The following AQP9 variants were observed in gnomAD, a reference collection of about 807,000 sequenced individuals.
The protein encoded by AQP9 is aquaporin 9, also known as aquaporin-9.
AQP9 carries 19 observed loss-of-function variants against 23.8 expected under a neutral mutation model. The observed-to-expected ratio is 0.80, with a 90% CI of 0.56 to 1.17. AQP9 has a LOEUF of 1.17. Ranked by LOEUF, AQP9 falls within the 50% of genes most tolerant of loss-of-function variation. AQP9 has a pLI of 0.00. For missense variants in AQP9, 413 were observed against 362.0 expected (o/e 1.14, Z -1.14); for synonymous variants, 153 against 131.5 (o/e 1.16, Z -1.12).
At chr15:58,140,583 C>T (rs1378352979) in intron 1 of AQP9, among the ~76,000 whole-genome samples, 1 of 152,092 alleles carries the variant, frequency 6.6e-6, no homozygotes, top group African/African-American at 2.4e-5. Flanking sequence ...TTTTTTTAAA[C>T]CAAGAAATCT....
rs1490773227 is a variant in AQP9, at chr15:58,150,084, G to C, written c.111+11408G>C. Among the ~76,000 whole-genome samples, 5 of 152,188 alleles carry C rather than the reference G, an allele frequency of 3.3e-5. No homozygotes were observed. The South Asian group carries it at 8.3e-4, about 25-fold the overall frequency. ...AAGACAGGAGTCAACAGCTCCAAAG[G>C]TAAGTGAGACCGAACAGGCAACACA... On this transcript the variant is annotated intron_variant, in intron 1 of 5. Transcript: ENST00000219919.
intron 1 of AQP9, among the ~76,000 whole-genome samples, chr15:58,158,198 C>T (rs1898303252): frequency 6.6e-6 from 1 of 152,110 alleles, no homozygotes; most frequent in Non-Finnish European, 1.5e-5. Context: ...AAAACCGATG[C>T]CCCTATTCCA....
Position 58,165,959 on chromosome 15 carries a change from G to C in AQP9, c.112-714G>C, listed in dbSNP as rs181692942. On this transcript the variant is annotated intron_variant, in intron 1 of 5. Coordinates refer to ENST00000219919, the MANE Select transcript of AQP9 (RefSeq NM_020980.5). Reference sequence around the variant, plus strand: ...GGAGAAAATACATGAGAATAAGGGGGTCCTGATTGCCAAATCTATCCCCCT... The same window carrying C: ...GGAGAAAATACATGAGAATAAGGGGCTCCTGATTGCCAAATCTATCCCCCT... Among the ~76,000 whole-genome samples, 384 of 152,288 alleles carry C rather than the reference G, an allele frequency of 2.5e-3. 1 individual carries two copies. The highest frequency in any genetic ancestry group is 4.3e-3 in the Non-Finnish European group (294 of 68,014).
intron 1 of AQP9, among the ~76,000 whole-genome samples, chr15:58,144,463 C>A (rs1170838408): frequency 6.6e-6 from 1 of 152,142 alleles, no homozygotes; most frequent in Admixed American, 6.5e-5. Flanking sequence ...CTATTCAGTG[C>A]CATTGATCTG....
intron 1 of AQP9, chr15:58,151,086 A>T (rs2140594044): frequency 6.6e-6 from 1 of 152,242 alleles, no homozygotes; most frequent in Middle Eastern, 3.4e-3. Context: ...CATTGCTGGG[A>T]ATATTAGTCT....
intron 1 of AQP9, among the ~76,000 whole-genome samples, chr15:58,141,125 A>G (rs1897943916): frequency 6.6e-6 from 1 of 152,196 alleles, no homozygotes; most frequent in South Asian, 2.1e-4. Context: ...GTGGGGGGAA[A>G]GTTTGCAATG....
rs1259350782 is a variant in AQP9 at position 58,174,789 on chromosome 15, G to C, written c.377-129G>C. 26 of 746,528 alleles carry C rather than the reference G, an allele frequency of 3.5e-5. No homozygotes were observed. In the African/African-American group the frequency reaches 4.5e-4, roughly 13 times the overall value. 46.2% of individuals were successfully genotyped at this position (746,528 alleles called of 1,614,324 possible). On this transcript the variant is annotated intron_variant, in intron 3 of 5. Coordinates refer to ENST00000219919, the MANE Select transcript of AQP9 (RefSeq NM_020980.5). ...CTAAAACTATCATTCCTCGGAAGTA[G>C]AGAGAGACAAATGACATGGCTATGC...
At chr15:58,142,814 T>A (rs1337749211) in intron 1 of AQP9, among the ~76,000 whole-genome samples, 1 of 152,084 alleles carries the variant, frequency 6.6e-6, no homozygotes, top group Non-Finnish European at 1.5e-5. Flanking sequence ...TACAAAACCA[T>A]CCATCTCTCC....
chr15:58,182,894 A>AC (rs1279750372), intron 5 of AQP9, among the ~76,000 whole-genome samples: 6 of 152,190 alleles, frequency 3.9e-5, no homozygotes, highest in Admixed American at 3.9e-4. Flanking sequence ...TTGCTCAAAG[A>AC]CCTTCTAGAT....
At chr15:58,174,893 T>C (rs373549224) in intron 3 of AQP9, 25 bp from the exon 4 acceptor site, 3 of 1,595,590 alleles carry the variant, frequency 1.9e-6, no homozygotes, top group Admixed American at 1.7e-5. Flanking sequence ...GGAACACTAA[T>C]GTGCCAGAGC....
At chr15:58,165,015 A>C (rs1898468373) in intron 1 of AQP9, among the ~76,000 whole-genome samples, 1 of 152,126 alleles carries the variant, frequency 6.6e-6, no homozygotes, top group Admixed American at 6.6e-5. Flanking sequence ...TTCCAAAAAT[A>C]TATTTGTTTC....
chr15:58,165,414 A>G (rs1030336004), intron 1 of AQP9, among the ~76,000 whole-genome samples: 3 of 152,240 alleles, frequency 2.0e-5, no homozygotes, highest in Non-Finnish European at 4.4e-5. Flanking sequence ...GAGAGGATAT[A>G]CAATGAAAAG....
intron 2 of AQP9, among the ~76,000 whole-genome samples, chr15:58,168,807 G>A (rs2414544): frequency 0.16 from 25,087 of 152,142 alleles, 2,159 homozygotes; most frequent in African/African-American, 0.19. Context: ...TAAATATCCC[G>A]AGGCTTAACT....
chr15:58,146,995 C>G (rs532516570), intron 1 of AQP9: 2 of 152,234 alleles, frequency 1.3e-5, no homozygotes, highest in African/African-American at 2.4e-5. Flanking sequence ...ACAGACTTCC[C>G]CCTATCAGCA....
At chr15:58,160,521 CT>C (rs1898354041) in intron 1 of AQP9, among the ~76,000 whole-genome samples, 1 of 151,904 alleles carries the variant, frequency 6.6e-6, no homozygotes, top group Admixed American at 6.6e-5. Context: ...ATTTTAATAT[CT>C]TTCATCAAAT....
Position 58,179,259 on chromosome 15 carries a change from G to A in AQP9, c.627G>A (p.Leu209=), listed in dbSNP as rs553126819. 32 of 1,614,168 alleles carry A rather than the reference G, an allele frequency of 2.0e-5. No homozygotes were observed. In the East Asian group the frequency reaches 5.1e-4, roughly 26 times the overall value. ...TTGTCATTGCTTCCTCCCTGGGACT[G>A]AACAGTGGCTGTGCCATGAACCCAG... ...LIIVIASSLG[L]NSGCAMNPAR... is the part of the protein sequence containing the mutation. Residue 209 remains leucine (L), a synonymous_variant, in exon 5 of 6, where the codon CTG becomes CTA. Transcript: ENST00000219919.
At chr15:58,158,613 T>C (rs1056351324) in intron 1 of AQP9, among the ~76,000 whole-genome samples, 3 of 152,144 alleles carry the variant, frequency 2.0e-5, no homozygotes, top group African/African-American at 4.8e-5. Context: ...AGATGGTAAA[T>C]TTTTTGTACA....
At chr15:58,148,155 G>A (rs189005308) in intron 1 of AQP9, among the ~76,000 whole-genome samples, 1 of 152,116 alleles carries the variant, frequency 6.6e-6, no homozygotes, top group Non-Finnish European at 1.5e-5. Flanking sequence ...CATTTTTGTA[G>A]GGAGTTGCTC....
At chr15:58,183,872 G>T (rs868515372) in intron 5 of AQP9, 89 bp from the exon 6 acceptor site, 61 of 1,436,024 alleles carry the variant, frequency 4.2e-5, no homozygotes, top group Admixed American at 5.5e-5. Context: ...CCATGAGTGT[G>T]AGAAAGACTA....
Sources: allele counts gnomAD v4.1 joint callset (sites outside exome capture counted in the v4.1 genomes callset), GRCh38; gene constraint gnomAD v4.1.1; transcripts MANE v1.5; gene names NCBI Gene and HGNC (gene_info 2026-07-23, HGNC 2026-07-21).